Variants in GNAQ observed in about 807,000 individuals in gnomAD.
The protein encoded by GNAQ is guanine nucleotide-binding protein G(q) subunit alpha.
Under a neutral mutation model 43.9 loss-of-function variants are expected in GNAQ, and 8 were observed. The observed-to-expected ratio is 0.18, with a 90% CI of 0.11 to 0.33. The LOEUF is 0.33. Ranked by LOEUF, GNAQ falls within the 10% of genes least tolerant of loss-of-function variation. The pLI is 1.00. For synonymous variants in GNAQ, 155 were observed against 170.7 expected (o/e 0.91, Z 0.71); for missense variants, 158 against 450.8 (o/e 0.35, Z 5.88).
intron 2 of GNAQ, among the ~76,000 whole-genome samples, chr9:77,848,462 G>A (rs1160165990): frequency 6.6e-6 from 1 of 152,218 alleles, no homozygotes; most frequent in Non-Finnish European, 1.5e-5. Flanking sequence ...CCCATTGCTG[G>A]CATCTCTGAG....
At chr9:77,970,412 C>T (rs1823223555) in intron 1 of GNAQ, among the ~76,000 whole-genome samples, 1 of 152,158 alleles carries the variant, frequency 6.6e-6, no homozygotes, top group Admixed American at 6.5e-5. Context: ...TGCACACACA[C>T]ATCAGGAAGA....
At chr9:78,013,969 CCA>C (rs1390473817) in intron 1 of GNAQ, among the ~76,000 whole-genome samples, 1 of 152,078 alleles carries the variant, frequency 6.6e-6, no homozygotes, top group Non-Finnish European at 1.5e-5. Context: ...AATTTCCCTC[CCA>C]TGCAGGGGAG....
chr9:78,030,474 C>A (rs780899496), intron 1 of GNAQ: 9 of 470,210 alleles, frequency 1.9e-5, no homozygotes, highest in Non-Finnish European at 3.5e-5. Context: ...CCCCAGTACA[C>A]AGACCCTTTC....
At chr9:77,819,919 T>C (rs1587931467) in intron 2 of GNAQ, among the ~76,000 whole-genome samples, 2 of 152,044 alleles carry the variant, frequency 1.3e-5, no homozygotes, top group Non-Finnish European at 1.5e-5. Context: ...GACTGTCATC[T>C]TGTACAAGCT....
chr9:77,924,940 G>A (rs1319775662), intron 1 of GNAQ, among the ~76,000 whole-genome samples: 1 of 151,786 alleles, frequency 6.6e-6, no homozygotes, highest in Admixed American at 6.6e-5. Context: ...TTAGCCAAGA[G>A]GAAACCAGAG....
chr9:77,848,646 G>A (rs149281626), intron 2 of GNAQ, among the ~76,000 whole-genome samples: 169 of 152,348 alleles, frequency 1.1e-3, no homozygotes, highest in African/African-American at 3.8e-3. Context: ...TAATTAGTGT[G>A]GTGGGAATAA....
At chr9:78,030,402 A>G (rs41305533) in intron 1 of GNAQ, 14 of 406,182 alleles carry the variant, frequency 3.4e-5, no homozygotes, top group Non-Finnish European at 5.8e-5. Flanking sequence ...CCTCCTTTCG[A>G]TGGTCTGGTG....
At chr9:77,981,078 C>T (rs144941120) in intron 1 of GNAQ, among the ~76,000 whole-genome samples, 62 of 152,196 alleles carry the variant, frequency 4.1e-4, no homozygotes, top group African/African-American at 1.4e-3. Context: ...TAGATTCAGA[C>T]CCCCCATTTA....
chr9:78,030,874 CGTGTGTGTGTCGCTGTGT>C (rs879708043), intron 1 of GNAQ, among the ~76,000 whole-genome samples: 418 of 146,424 alleles, frequency 2.9e-3, no homozygotes, highest in Non-Finnish European at 4.5e-3. Context: ...CCCTGTGCTG[CGTGTGTGTGTCGCTGTGT>C]GTGTGTGTGT....
intron 5 of GNAQ, among the ~76,000 whole-genome samples, chr9:77,730,284 T>C (rs575059929): frequency 3.9e-5 from 6 of 152,282 alleles, no homozygotes; most frequent in African/African-American, 1.2e-4. Context: ...AATGACTGAA[T>C]AGACTGGCTA....
chr9:77,907,138 A>G (rs1484859814), intron 2 of GNAQ, among the ~76,000 whole-genome samples: 1 of 152,228 alleles, frequency 6.6e-6, no homozygotes, highest in Non-Finnish European at 1.5e-5. Context: ...GAGGTGTTTC[A>G]TAATTCATGG....
intron 2 of GNAQ, among the ~76,000 whole-genome samples, chr9:77,863,612 A>G (rs920406208): frequency 1.3e-5 from 2 of 152,046 alleles, no homozygotes; most frequent in African/African-American, 2.4e-5. Context: ...GCCCCACTCT[A>G]TTGGTACCAA....
chr9:77,895,901 T>C (rs1245580124), intron 2 of GNAQ, among the ~76,000 whole-genome samples: 1 of 152,034 alleles, frequency 6.6e-6, no homozygotes, highest in Non-Finnish European at 1.5e-5. Flanking sequence ...ATGATTTGCT[T>C]CTCCTTGCCT....
chr9:77,902,292 A>T (rs1348746000), intron 2 of GNAQ, among the ~76,000 whole-genome samples: 1 of 152,174 alleles, frequency 6.6e-6, no homozygotes, highest in African/African-American at 2.4e-5. Flanking sequence ...TTAATTTCCA[A>T]ATATTTCATC....
chr9:77,891,933 C>T (rs1049580706), intron 2 of GNAQ, among the ~76,000 whole-genome samples: 2 of 152,270 alleles, frequency 1.3e-5, no homozygotes, highest in South Asian at 2.1e-4. Flanking sequence ...TCGCCCCAGG[C>T]ATGAAACAAG....
intron 2 of GNAQ, among the ~76,000 whole-genome samples, chr9:77,846,707 C>T (rs1416305801): frequency 2.6e-5 from 4 of 152,196 alleles, no homozygotes. Flanking sequence ...GTGAACAAGG[C>T]TCTCTCCTTG....
At chr9:77,849,940 C>A (rs1827646070) in intron 2 of GNAQ, among the ~76,000 whole-genome samples, 1 of 152,186 alleles carries the variant, frequency 6.6e-6, no homozygotes, top group Non-Finnish European at 1.5e-5. Flanking sequence ...CCTTGCCCAG[C>A]CCTTGACAGT....
intron 1 of GNAQ, among the ~76,000 whole-genome samples, chr9:78,006,812 A>G (rs865905001): frequency 6.6e-6 from 1 of 152,204 alleles, no homozygotes; most frequent in African/African-American, 2.4e-5. Flanking sequence ...CCTCAGAGAT[A>G]TGGCCTTGGC....
At chr9:77,965,164 T>C (rs1252543742) in intron 1 of GNAQ, among the ~76,000 whole-genome samples, 2 of 152,170 alleles carry the variant, frequency 1.3e-5, no homozygotes. Context: ...CTGAGTAATT[T>C]CAATCACAAC....
Sources: gnomAD v4.1 joint callset for allele counts (sites outside exome capture counted in the v4.1 genomes callset) on GRCh38, gnomAD v4.1.1 for gene constraint, MANE v1.5 for transcripts, NCBI Gene and HGNC (gene_info 2026-07-23, HGNC 2026-07-21) for gene names.